The following MARCHF4 variants were observed in gnomAD, a reference collection of about 807,000 sequenced individuals.
MARCHF4 encodes E3 ubiquitin-protein ligase MARCHF4.
Under a neutral mutation model 43.9 loss-of-function variants are expected in MARCHF4, and 14 were observed. The observed-to-expected ratio is 0.32, with a 90% CI of 0.21 to 0.50. The LOEUF (loss-of-function observed/expected upper bound fraction) is 0.50, where lower values mean the gene tolerates loss of function less well. Among genes scored for constraint, MARCHF4 ranks in the 20% least tolerant of loss-of-function variants. The pLI, the probability that MARCHF4 is intolerant of heterozygous loss-of-function variation, is 0.98. For missense variants in MARCHF4, 468 were observed against 536.7 expected (o/e 0.87, Z 1.27); for synonymous variants, 226 against 213.3 (o/e 1.06, Z -0.52).
chr2:216,302,897 C>CA (rs201503998), intron 1 of MARCHF4, among the ~76,000 whole-genome samples: 2,111 of 78,180 alleles, frequency 0.027, 274 homozygotes, highest in African/African-American at 0.13. Flanking sequence ...GACTCTGTAT[C>CA]AAAAAAAAAA....
At chr2:216,341,295 A>T (rs1381392159) in intron 1 of MARCHF4, among the ~76,000 whole-genome samples, 1 of 152,150 alleles carries the variant, frequency 6.6e-6, no homozygotes, top group Non-Finnish European at 1.5e-5. Flanking sequence ...GAATGACTGT[A>T]CTTTGGCTAC....
intron 1 of MARCHF4, among the ~76,000 whole-genome samples, chr2:216,343,162 C>T (rs1274040767): frequency 6.6e-6 from 1 of 152,152 alleles, no homozygotes; most frequent in Non-Finnish European, 1.5e-5. Flanking sequence ...AATAGAGAGC[C>T]ATGGAAGATT....
intron 3 of MARCHF4, among the ~76,000 whole-genome samples, chr2:216,275,416 A>G (rs771384074): frequency 2.6e-5 from 4 of 152,180 alleles, no homozygotes; most frequent in Admixed American, 6.5e-5. Flanking sequence ...AGGTGCACTC[A>G]AAGTCACAGG....
chr2:216,280,772 A>G lies in MARCHF4; in HGVS notation c.672+2802T>C, dbSNP rs147939669. The stretch of plus-strand genomic sequence containing the variant: ...TTGTCTCATCTGTAGTTTAGGAAAA[A>G]TAATAGTGCCCACTTCACTGGGTTG... On this transcript the variant is annotated intron_variant, in intron 2 of 3. Coordinates refer to ENST00000273067, the MANE Select transcript of MARCHF4 (RefSeq NM_020814.3). Among the ~76,000 whole-genome samples the G allele has an allele frequency of 3.4e-3, 518 of 152,316 alleles. 4 individuals are homozygous for G. Among genetic ancestry groups the G allele is most frequent in the South Asian group, 4.6e-3 (22 of 4,824 alleles).
intron 1 of MARCHF4, among the ~76,000 whole-genome samples, chr2:216,285,322 G>A (rs1193827912): frequency 6.6e-6 from 1 of 152,130 alleles, no homozygotes; most frequent in African/African-American, 2.4e-5. Flanking sequence ...GAAATGCTCA[G>A]GTGCTCATCC....
intron 1 of MARCHF4, among the ~76,000 whole-genome samples, chr2:216,343,469 G>C (rs1012056750): frequency 7.9e-5 from 12 of 152,122 alleles, no homozygotes; most frequent in African/African-American, 2.9e-4. Context: ...ACCTCCTAAA[G>C]TCCCCACCCT....
chr2:216,319,234 A>T (rs1691840109), intron 1 of MARCHF4, among the ~76,000 whole-genome samples: 1 of 152,234 alleles, frequency 6.6e-6, no homozygotes, highest in African/African-American at 2.4e-5. Flanking sequence ...CTTAAACCCA[A>T]GAAGCAGAGA....
rs569684032 is a variant in MARCHF4, at chr2:216,282,647, CTGCTTGATTTGGGGCATT to C, written c.672+909_672+926del. ...TATGTGTGTGCTCCTCAAAGGAGAGCTGCTTGATTTGGGGCATTTGTGAGGGTGGCACAGGCCTGCCAG... is the reference window on the plus strand; with the variant it reads ...TATGTGTGTGCTCCTCAAAGGAGAGCTGTGAGGGTGGCACAGGCCTGCCAG... On this transcript the variant is annotated intron_variant, in intron 2 of 3. Transcript: ENST00000273067. Among the ~76,000 whole-genome samples, 96 of 152,300 alleles carry C rather than the reference CTGCTTGATTTGGGGCATT, an allele frequency of 6.3e-4. 1 individual carries two copies. The East Asian group carries it at 0.017, about 27-fold the overall frequency.
rs750152483 is a variant in MARCHF4 at position 216,369,790 on chromosome 2, A to G, written c.471T>C (p.Gly157=). 6.2e-7 allele frequency: 1 copy of G among 1,611,588 alleles called. No individual in the cohort carries two copies. The highest frequency in any genetic ancestry group is 1.7e-5 in the Admixed American group (1 of 59,902). ...RYSLGSSLDS[G]MRTPLCRICF... ...AGATGCGGCAGAGTGGGGTCCTCAT[A>G]CCACTGTCCAAGCTGCTGCCCAGTG... The change falls in exon 1 of 4, where the codon GGT becomes GGC. Residue 157 remains glycine, a synonymous_variant. Coordinates refer to ENST00000273067, the MANE Select transcript of MARCHF4 (RefSeq NM_020814.3).
At chr2:216,346,918 G>A (rs1692329531) in intron 1 of MARCHF4, among the ~76,000 whole-genome samples, 1 of 152,132 alleles carries the variant, frequency 6.6e-6, no homozygotes, top group Admixed American at 6.5e-5. Context: ...ATCATGGGGG[G>A]GATTTCCCCT....
chr2:216,278,265 G>A (rs746671598), intron 2 of MARCHF4, among the ~76,000 whole-genome samples: 6 of 152,000 alleles, frequency 3.9e-5, no homozygotes, highest in Admixed American at 6.6e-5. Context: ...TTGCTCTGTC[G>A]CCGGCTGGAG....
At chr2:216,293,658 C>T (rs1193213509) in intron 1 of MARCHF4, among the ~76,000 whole-genome samples, 2 of 84,848 alleles carry the variant, frequency 2.4e-5, no homozygotes, top group Non-Finnish European at 7.0e-5. Flanking sequence ...TTCATTTTCA[C>T]AATAATTATT....
intron 1 of MARCHF4, among the ~76,000 whole-genome samples, chr2:216,368,733 C>A (rs1273513634): frequency 6.6e-6 from 1 of 152,194 alleles, no homozygotes; most frequent in Non-Finnish European, 1.5e-5. Context: ...CATAACCTTG[C>A]CCACCTTGCA....
intron 1 of MARCHF4, among the ~76,000 whole-genome samples, chr2:216,345,295 G>C (rs1692302114): frequency 6.6e-6 from 1 of 151,732 alleles, no homozygotes; most frequent in East Asian, 1.9e-4. Flanking sequence ...TTCAGGGGAT[G>C]TTGTTGATTC....
intron 1 of MARCHF4, among the ~76,000 whole-genome samples, chr2:216,354,454 G>T (rs1356345950): frequency 6.6e-6 from 1 of 152,130 alleles, no homozygotes; most frequent in East Asian, 1.9e-4. Context: ...CTCCTGTGTG[G>T]TTTTTTAGCA....
intron 3 of MARCHF4, among the ~76,000 whole-genome samples, chr2:216,272,008 G>A (rs886509314): frequency 7.0e-6 from 1 of 143,390 alleles, no homozygotes; most frequent in Non-Finnish European, 1.5e-5. Context: ...GCCAGACATG[G>A]TGGCTAATGC....
chr2:216,319,973 T>C (rs545869383), intron 1 of MARCHF4, among the ~76,000 whole-genome samples: 5 of 152,222 alleles, frequency 3.3e-5, no homozygotes, highest in Admixed American at 6.5e-5. Context: ...GTCCTTGACA[T>C]GCTCCTCCAA....
chr2:216,322,026 CT>C (rs1691904189), intron 1 of MARCHF4, among the ~76,000 whole-genome samples: 1 of 152,148 alleles, frequency 6.6e-6, no homozygotes, highest in South Asian at 2.1e-4. Flanking sequence ...GTTGCTGTGA[CT>C]GAAATGGCTG....
intron 3 of MARCHF4, among the ~76,000 whole-genome samples, chr2:216,275,061 G>A (rs750015870): frequency 1.3e-5 from 2 of 152,112 alleles, no homozygotes; most frequent in Non-Finnish European, 2.9e-5. Context: ...GATAAATTAT[G>A]GTGTGCTTTT....
Sources: allele counts gnomAD v4.1 joint callset (sites outside exome capture counted in the v4.1 genomes callset), GRCh38; gene constraint gnomAD v4.1.1; transcripts MANE v1.5; gene names NCBI Gene and HGNC (gene_info 2026-07-23, HGNC 2026-07-21).